Variants in DPYD observed in about 807,000 individuals in gnomAD.
DPYD encodes dihydropyrimidine dehydrogenase [NADP(+)].
A neutral mutation model predicts 116.2 loss-of-function variants in DPYD; 109 were observed. The ratio of observed to expected loss-of-function variants is 0.94; its 90% CI spans 0.80 to 1.10. The LOEUF (loss-of-function observed/expected upper bound fraction) is 1.10, where lower values mean the gene tolerates loss of function less well. Among genes scored for constraint, DPYD ranks in the 50% least tolerant of loss-of-function variants. DPYD has a pLI of 0.00. For synonymous variants in DPYD, 440 were observed against 432.0 expected (o/e 1.02, Z -0.23); for missense variants, 1,302 against 1,254.5 (o/e 1.04, Z -0.57).
intron 10 of DPYD, among the ~76,000 whole-genome samples, chr1:97,583,236 T>G (rs879672538): frequency 7.9e-5 from 12 of 152,206 alleles, no homozygotes; most frequent in Non-Finnish European, 1.6e-4. Flanking sequence ...CCCAAAGTGC[T>G]GGGATTACAG....
chr1:97,103,179 G>A (rs894608825), intron 20 of DPYD, among the ~76,000 whole-genome samples: 2 of 152,076 alleles, frequency 1.3e-5, no homozygotes, highest in African/African-American at 4.8e-5. Flanking sequence ...AGATAGAGAT[G>A]AGAAGTATCT....
chr1:97,655,933 C>A (rs1488831292), intron 8 of DPYD, among the ~76,000 whole-genome samples: 1 of 152,108 alleles, frequency 6.6e-6, no homozygotes, highest in Non-Finnish European at 1.5e-5. Context: ...AAGAAGGACA[C>A]ACTTTACTTT....
chr1:97,154,490 C>G (rs1476378325), intron 20 of DPYD, among the ~76,000 whole-genome samples: 1 of 152,096 alleles, frequency 6.6e-6, no homozygotes. Context: ...GGCACAGTGG[C>G]TCACGACTGT....
At chr1:97,774,886 A>T (rs1666316935) in intron 3 of DPYD, 2 of 238,360 alleles carry the variant, frequency 8.4e-6, no homozygotes, top group South Asian at 1.2e-4. Flanking sequence ...AAAACATACA[A>T]GGGAAAAACC....
intron 20 of DPYD, among the ~76,000 whole-genome samples, chr1:97,133,270 A>G: frequency 6.6e-6 from 1 of 152,232 alleles, no homozygotes; most frequent in South Asian, 2.1e-4. Flanking sequence ...AATTTATTAA[A>G]GCAGATAAAT....
intron 8 of DPYD, among the ~76,000 whole-genome samples, chr1:97,598,587 G>A (rs964978866): frequency 1.7e-4 from 24 of 139,796 alleles, no homozygotes; most frequent in Non-Finnish European, 3.3e-4. Flanking sequence ...TGATTTTCAC[G>A]TTCTCTGAAA....
intron 8 of DPYD, among the ~76,000 whole-genome samples, chr1:97,639,819 A>AT (rs1657781538): frequency 1.3e-5 from 2 of 152,132 alleles, no homozygotes; most frequent in South Asian, 4.1e-4. Flanking sequence ...TTTAATACCA[A>AT]TTTTTTTAAA....
At chr1:97,204,419 A>C (rs1232334235) in intron 19 of DPYD, among the ~76,000 whole-genome samples, 1 of 152,128 alleles carries the variant, frequency 6.6e-6, no homozygotes, top group African/African-American at 2.4e-5. Flanking sequence ...AAACAAATGC[A>C]ATGTCCAAAG....
At chr1:97,847,277 ACT>A (rs766407591) in intron 2 of DPYD, among the ~76,000 whole-genome samples, 22 of 152,126 alleles carry the variant, frequency 1.4e-4, no homozygotes, top group Non-Finnish European at 3.2e-4. Flanking sequence ...TCAAACAAAA[ACT>A]CTCTCCATTT....
At chr1:97,752,138 A>G (rs1220093853) in intron 3 of DPYD, among the ~76,000 whole-genome samples, 1 of 152,108 alleles carries the variant, frequency 6.6e-6, no homozygotes, top group Non-Finnish European at 1.5e-5. Flanking sequence ...AGGATGAAAT[A>G]GCACATTTGG....
chr1:97,535,527 C>T (rs1649930233), intron 12 of DPYD, among the ~76,000 whole-genome samples: 1 of 152,098 alleles, frequency 6.6e-6, no homozygotes, highest in Non-Finnish European at 1.5e-5. Flanking sequence ...TTCTGCCATT[C>T]TAATCTTCAA....
chr1:97,515,868 A>G lies in DPYD; in HGVS notation c.1598T>C (p.Ile533Thr). 6.2e-7 allele frequency: 1 copy of G among 1,612,968 alleles called. No homozygotes were observed. The highest frequency in any genetic ancestry group is 1.3e-5 in the African/African-American group (1 of 74,988). Residue 533 changes from isoleucine to threonine, a missense_variant, in exon 13 of 23, where the codon ATT (isoleucine) becomes ACT (threonine). Ile to Thr is a moderately conservative substitution (Grantham distance 89, BLOSUM62 -1). Coordinates refer to ENST00000370192, the MANE Select transcript of DPYD (RefSeq NM_000110.4). ...LFYTPIDLVD[I>T]SVEMAGLKFI... The stretch of plus-strand genomic sequence containing the variant: ...CTTCAATCCGGCCATTTCTACACTA[A>G]TGTCCACCAGATCAATAGGAGTGTA...
chr1:97,359,527 G>A (rs567266740), intron 16 of DPYD, among the ~76,000 whole-genome samples: 1 of 152,224 alleles, frequency 6.6e-6, no homozygotes, highest in Admixed American at 6.5e-5. Flanking sequence ...CAAGGTTGAA[G>A]TGAAGGAAAA....
intron 18 of DPYD, among the ~76,000 whole-genome samples, chr1:97,250,694 G>C (rs1043426768): frequency 8.5e-5 from 13 of 152,158 alleles, no homozygotes; most frequent in Non-Finnish European, 1.8e-4. Context: ...AGAGAGAATA[G>C]AATGAATATT....
chr1:97,673,270 T>C lies in DPYD; in HGVS notation c.850+5825A>G, dbSNP rs981547515. Reference sequence around the variant, plus strand: ...TTAAAAGGATAGATCATGTTAAGAATTGAGCCTGGAATATTATTCACTGTT... The same window carrying C: ...TTAAAAGGATAGATCATGTTAAGAACTGAGCCTGGAATATTATTCACTGTT... On this transcript the variant is annotated intron_variant, in intron 8 of 22. Transcript: ENST00000370192. Among the ~76,000 whole-genome samples, 2 of 152,230 alleles carry C rather than the reference T, an allele frequency of 1.3e-5. 1 individual carries two copies. Among genetic ancestry groups the C allele is most frequent in the South Asian group, 4.1e-4 (2 of 4,824 alleles).
chr1:97,456,070 T>G (rs958776217), intron 13 of DPYD, among the ~76,000 whole-genome samples: 2 of 151,854 alleles, frequency 1.3e-5, no homozygotes, highest in African/African-American at 4.8e-5. Context: ...AGCACAAATC[T>G]GTCACATATA....
At chr1:97,321,560 C>T (rs1416922413) in intron 16 of DPYD, among the ~76,000 whole-genome samples, 9 of 107,716 alleles carry the variant, frequency 8.4e-5, no homozygotes, top group East Asian at 5.7e-4. Context: ...GTTAGAATGG[C>T]GATCATTAAA....
intron 18 of DPYD, among the ~76,000 whole-genome samples, chr1:97,242,752 C>A (rs1257285929): frequency 1.3e-5 from 2 of 151,702 alleles, no homozygotes; most frequent in African/African-American, 4.8e-5. Flanking sequence ...TACAGTGATT[C>A]TATCCTCTGT....
At chr1:97,119,799 G>A (rs576051040) in intron 20 of DPYD, among the ~76,000 whole-genome samples, 12 of 152,014 alleles carry the variant, frequency 7.9e-5, no homozygotes, top group Non-Finnish European at 1.5e-4. Context: ...AGCAACATGC[G>A]CTCTCTTCAG....
Sources: allele counts gnomAD v4.1 joint callset (sites outside exome capture counted in the v4.1 genomes callset), GRCh38; gene constraint gnomAD v4.1.1; transcripts MANE v1.5; gene names NCBI Gene and HGNC (gene_info 2026-07-23, HGNC 2026-07-21).